The following ZNF827 variants were observed in gnomAD, a reference collection of about 807,000 sequenced individuals.
The protein encoded by ZNF827 is zinc finger protein 827.
ZNF827 carries 13 observed loss-of-function variants against 102.4 expected under a neutral mutation model. That is an observed-to-expected ratio of 0.13 (90% confidence interval 0.08 to 0.20). The LOEUF (loss-of-function observed/expected upper bound fraction) is 0.20, where lower values mean the gene tolerates loss of function less well. Ranked by LOEUF, ZNF827 falls within the 10% of genes least tolerant of loss-of-function variation. The probability of loss-of-function intolerance (pLI) is 1.00; values close to 1 mark genes in which losing one functional copy is unlikely to be tolerated. For synonymous variants in ZNF827, 523 were observed against 536.2 expected, an observed-to-expected ratio of 0.98 and a Z score of 0.34; for missense variants, 1,103 against 1,344.4, an observed-to-expected ratio of 0.82 and a Z score of 2.81.
intron 1 of ZNF827, among the ~76,000 whole-genome samples, chr4:145,922,190 A>G (rs774629863): frequency 6.6e-6 from 1 of 152,352 alleles, no homozygotes; most frequent in Non-Finnish European, 1.5e-5. Flanking sequence ...GAAGACGCAC[A>G]TGCACCAAGA....
intron 1 of ZNF827, among the ~76,000 whole-genome samples, chr4:145,912,698 T>C (rs1397355392): frequency 6.6e-6 from 1 of 152,112 alleles, no homozygotes; most frequent in Non-Finnish European, 1.5e-5. Context: ...ATGAGATGAG[T>C]TATGCTATCA....
chr4:145,791,607 T>TA (rs1483134574), intron 8 of ZNF827, among the ~76,000 whole-genome samples: 1 of 152,228 alleles, frequency 6.6e-6, no homozygotes, highest in Admixed American at 6.5e-5. Flanking sequence ...ATCTCTATTA[T>TA]ATCATTCTCA....
intron 8 of ZNF827, among the ~76,000 whole-genome samples, chr4:145,787,260 C>T (rs1029596795): frequency 1.3e-4 from 20 of 152,024 alleles, no homozygotes; most frequent in African/African-American, 4.1e-4. Context: ...GTCAGGAGTT[C>T]GAGAACAGCC....
At chr4:145,830,683 ATAAG>A (rs1364627994) in intron 7 of ZNF827, 1 of 152,194 alleles carries the variant, frequency 6.6e-6, no homozygotes, top group East Asian at 1.9e-4. Flanking sequence ...TAACATATTT[ATAAG>A]TAATTGTATT....
In ZNF827 at chr4:145,775,994, G is replaced by A. The variant is rs201531682; in HGVS notation, c.2522-34C>T. 2.2e-4 allele frequency: 352 copies of A among 1,611,660 alleles called. No homozygotes were observed. The East Asian group carries it at 4.2e-3, about 19-fold the overall frequency. On this transcript the variant is annotated intron_variant, in intron 9 of 14. Transcript: ENST00000508784. ...GAAGGAACAGGAAAAAGCCCAAATC[G>A]CTTTCAAAAAAGGAAGTCCCAACAC...
chr4:145,888,143 T>G (rs1750282133), intron 3 of ZNF827, among the ~76,000 whole-genome samples: 1 of 152,250 alleles, frequency 6.6e-6, no homozygotes, highest in African/African-American at 2.4e-5. Context: ...TTAGTGAAGC[T>G]TTAAAGGAAA....
At chr4:145,854,069 G>A (rs949271003) in intron 5 of ZNF827, among the ~76,000 whole-genome samples, 1 of 152,010 alleles carries the variant, frequency 6.6e-6, no homozygotes, top group African/African-American at 2.4e-5. Flanking sequence ...CCTATGAACT[G>A]TAAGTCTCTA....
At position 145,902,227 on chromosome 4, in the gene ZNF827, T is replaced by C; in HGVS notation, c.1032A>G (p.Gln344=). ...PPPPPPPPPP[Q]SLELLLLPVP... ...CTGGGAGTAATAATAATTCCAGGGA[T>C]TGTGGTGGTGGTGGTGGAGGTGGTG... The change falls in exon 2 of 15, where the codon CAA becomes CAG. Residue 344 remains glutamine (Q), a synonymous_variant. Coordinates refer to ENST00000508784, the MANE Select transcript of ZNF827 (RefSeq NM_001306215.2). This position sits in a 1 kb window ranked among gnomAD's most constrained non-coding sequence, Gnocchi z 4.3. 6.2e-7 allele frequency: 1 copy of C among 1,607,048 alleles called. No homozygotes were observed. The highest frequency in any genetic ancestry group is 8.5e-7 in the Non-Finnish European group (1 of 1,177,270).
In ZNF827 at chr4:145,809,711, G is replaced by A. The variant is rs543680956; in HGVS notation, c.2383+13711C>T. ...TCTGGCAACTGACTGACCCCACCCAGACCCATGACTCAACCAGTCCTGTGG... is the reference window on the plus strand; with the variant it reads ...TCTGGCAACTGACTGACCCCACCCAAACCCATGACTCAACCAGTCCTGTGG... On this transcript the variant is annotated intron_variant, in intron 8 of 14. Transcript: ENST00000508784. 2.0e-5 allele frequency among the ~76,000 whole-genome samples: 3 copies of A among 152,212 alleles called. No individual in the cohort carries two copies. In the South Asian group the frequency reaches 6.2e-4, roughly 32 times the overall value.
chr4:145,855,095 A>AGT (rs1746936190), intron 5 of ZNF827, among the ~76,000 whole-genome samples: 1 of 152,224 alleles, frequency 6.6e-6, no homozygotes, highest in Non-Finnish European at 1.5e-5. Flanking sequence ...ATCTGCTGCG[A>AGT]ACACTCATAC....
At chr4:145,904,771 C>T (rs545169708) in intron 1 of ZNF827, among the ~76,000 whole-genome samples, 4 of 152,328 alleles carry the variant, frequency 2.6e-5, no homozygotes, top group African/African-American at 7.2e-5. Flanking sequence ...AGTGGGGTCA[C>T]ACAGATCTAC....
intron 5 of ZNF827, among the ~76,000 whole-genome samples, chr4:145,856,674 TACACACATACACACAC>T (rs1196806167): frequency 7.8e-6 from 1 of 127,754 alleles, no homozygotes; most frequent in Non-Finnish European, 1.6e-5. Context: ...TGACCTCCAG[TACACACATACACACAC>T]ACACACACAC....
chr4:145,893,414 C>T (rs1342994276), intron 2 of ZNF827, among the ~76,000 whole-genome samples: 1 of 152,162 alleles, frequency 6.6e-6, no homozygotes, highest in East Asian at 1.9e-4. Flanking sequence ...AATGACTTAG[C>T]ATATGTGCCC....
At chr4:145,858,522 G>T (rs1747390602) in intron 5 of ZNF827, among the ~76,000 whole-genome samples, 1 of 151,524 alleles carries the variant, frequency 6.6e-6, no homozygotes, top group South Asian at 2.1e-4. Context: ...CATGCCTGTA[G>T]TCCCAGCTAC....
chr4:145,844,758 C>T (rs928118583), intron 7 of ZNF827, among the ~76,000 whole-genome samples: 1 of 151,980 alleles, frequency 6.6e-6, no homozygotes, highest in East Asian at 1.9e-4. Context: ...GGCAAGCTGG[C>T]TCTGTTTTAA....
chr4:145,778,688 G>A (rs1001041741), intron 9 of ZNF827, among the ~76,000 whole-genome samples: 20 of 152,110 alleles, frequency 1.3e-4, no homozygotes, highest in African/African-American at 4.1e-4. Flanking sequence ...TGTGATGTAC[G>A]AAATCTTTAT....
At chr4:145,851,222 TCAAGCTTC>T (rs1746497251) in intron 5 of ZNF827, among the ~76,000 whole-genome samples, 1 of 152,204 alleles carries the variant, frequency 6.6e-6, no homozygotes, top group Admixed American at 6.5e-5. Context: ...ATCTGTTGTT[TCAAGCTTC>T]CAACTTTGTG....
At chr4:145,841,379 C>T (rs904837987) in intron 7 of ZNF827, among the ~76,000 whole-genome samples, 2 of 152,122 alleles carry the variant, frequency 1.3e-5, no homozygotes, top group Non-Finnish European at 2.9e-5. Flanking sequence ...GATATCATGC[C>T]TCATGTATTT....
intron 8 of ZNF827, among the ~76,000 whole-genome samples, chr4:145,808,781 T>A (rs189773261): frequency 1.3e-5 from 2 of 152,304 alleles, no homozygotes; most frequent in Admixed American, 1.3e-4. Flanking sequence ...GAGTCACAGT[T>A]ATGTATTTGC....
Sources: gnomAD v4.1 joint callset for allele counts (sites outside exome capture counted in the v4.1 genomes callset) on GRCh38, gnomAD v4.1.1 for gene constraint, Gnocchi (gnomAD v3.1) non-coding constraint, MANE v1.5 for transcripts, NCBI Gene and HGNC (gene_info 2026-07-23, HGNC 2026-07-21) for gene names.